The following CCDC83 variants were observed in gnomAD, a reference collection of about 807,000 sequenced individuals.
CCDC83 encodes the protein coiled-coil domain containing 83.
A neutral mutation model predicts 50.1 loss-of-function variants in CCDC83; 54 were observed. That is an observed-to-expected ratio of 1.08 (90% CI 0.87 to 1.35). The LOEUF (loss-of-function observed/expected upper bound fraction) is 1.35. Among genes scored for constraint, CCDC83 ranks in the 40% most tolerant of loss-of-function variants. The pLI, the probability that CCDC83 is intolerant of heterozygous loss-of-function variation, is 0.00. For synonymous variants in CCDC83, 161 were observed against 153.3 expected (o/e 1.05, Z -0.37); for missense variants, 518 against 473.9 (o/e 1.09, Z -0.86).
In CCDC83 at chr11:85,855,943, G is replaced by A. The variant is rs145289956; in HGVS notation, c.-29+359G>A. ...CTTCCGCTGTAGGTACTTCATATGT[G>A]CTAAGTGTGTTATTGATGTCTTTTA... On this transcript the variant is annotated intron_variant, in intron 1 of 10. Coordinates refer to ENST00000342404, the MANE Select transcript of CCDC83 (RefSeq NM_001286159.2). Among the ~76,000 whole-genome samples, 803 of 152,254 alleles carry A rather than the reference G, an allele frequency of 5.3e-3. 10 individuals carry two copies. Among genetic ancestry groups the A allele is most frequent in the African/African-American group, 0.018 (758 of 41,522 alleles).
At chr11:85,888,021 T>C (rs1017167566) in intron 5 of CCDC83, among the ~76,000 whole-genome samples, 5 of 152,076 alleles carry the variant, frequency 3.3e-5, no homozygotes, top group African/African-American at 1.2e-4. Flanking sequence ...CTGGTAACCA[T>C]AATTTTTTGA....
At chr11:85,906,544 T>C (rs2093426382) in intron 7 of CCDC83, among the ~76,000 whole-genome samples, 1 of 151,918 alleles carries the variant, frequency 6.6e-6, no homozygotes, top group Non-Finnish European at 1.5e-5. Context: ...GAAAAAAAAG[T>C]CTAAGTTTAA....
intron 3 of CCDC83, among the ~76,000 whole-genome samples, chr11:85,878,004 T>C (rs1316847378): frequency 6.6e-6 from 1 of 152,170 alleles, no homozygotes; most frequent in Admixed American, 6.5e-5. Flanking sequence ...AAACAAAACA[T>C]GAATCTATTT....
intron 3 of CCDC83, among the ~76,000 whole-genome samples, chr11:85,880,600 A>T (rs770942906): frequency 6.6e-6 from 1 of 151,664 alleles, no homozygotes; most frequent in African/African-American, 2.4e-5. Flanking sequence ...TTTTTTAATC[A>T]GCGTTTTCTA....
chr11:85,861,792 T>G (rs1239674238), intron 1 of CCDC83, among the ~76,000 whole-genome samples: 1 of 151,804 alleles, frequency 6.6e-6, no homozygotes. Flanking sequence ...GTGGATCCCT[T>G]GAGCTCAGGA....
intron 1 of CCDC83, among the ~76,000 whole-genome samples, chr11:85,858,970 A>G (rs1340446166): frequency 6.6e-6 from 1 of 152,160 alleles, no homozygotes; most frequent in Non-Finnish European, 1.5e-5. Context: ...GAGAAAGGAC[A>G]GAGAATTGAT....
At chr11:85,910,375 A>C (rs1368937684) in intron 7 of CCDC83, among the ~76,000 whole-genome samples, 3 of 152,238 alleles carry the variant, frequency 2.0e-5, no homozygotes, top group African/African-American at 4.8e-5. Flanking sequence ...ATACAACTGA[A>C]TGAATGAACG....
chr11:85,912,803 G>A, intron 8 of CCDC83: 1 of 1,015,334 alleles, frequency 9.8e-7, no homozygotes, highest in Admixed American at 1.7e-5. Context: ...TTCTGAACTG[G>A]CTAATCTTTA....
intron 5 of CCDC83, among the ~76,000 whole-genome samples, chr11:85,887,932 A>C (rs1368580328): frequency 6.6e-6 from 1 of 151,594 alleles, no homozygotes; most frequent in Non-Finnish European, 1.5e-5. Context: ...TCTCCTGAGT[A>C]GCTGGGACAG....
chr11:85,861,829 C>A (rs2093177567), intron 1 of CCDC83, among the ~76,000 whole-genome samples: 1 of 151,544 alleles, frequency 6.6e-6, no homozygotes, highest in Admixed American at 6.6e-5. Context: ...AGAAACATGG[C>A]AAAACCCCCT....
In CCDC83 at chr11:85,865,252, T is replaced by C. The variant is rs752647624; in HGVS notation, c.95+34T>C. ...TTATTCTGAAATCTGAAAGTTGCCA[T>C]AGATAAAAGGCAGTCATTGTTAAGA... On this transcript the variant is annotated intron_variant, in intron 2 of 10. Coordinates refer to ENST00000342404, the MANE Select transcript of CCDC83 (RefSeq NM_001286159.2). The C allele has an allele frequency of 1.3e-5, 17 of 1,279,908 alleles. No homozygotes were observed. In the African/African-American group the frequency reaches 1.6e-4, roughly 12 times the overall value. 79.3% of individuals were successfully genotyped at this position (1,279,908 alleles called of 1,614,324 possible). A position where few individuals can be genotyped will look rare whatever the true frequency, so the allele number is the denominator to read the frequency against.
At chr11:85,866,140 G>T (rs555549209) in intron 2 of CCDC83, among the ~76,000 whole-genome samples, 1 of 152,258 alleles carries the variant, frequency 6.6e-6, no homozygotes, top group South Asian at 2.1e-4. Flanking sequence ...CTCCTTGAGG[G>T]TCTGTGAACC....
At chr11:85,860,301 C>CAAA (rs56657675) in intron 1 of CCDC83, among the ~76,000 whole-genome samples, 49 of 55,288 alleles carry the variant, frequency 8.9e-4, no homozygotes, top group Non-Finnish European at 1.2e-3. Context: ...GACTCCGTCT[C>CAAA]AAAAAAAAAA....
chr11:85,861,737 G>A (rs1016641226), intron 1 of CCDC83, among the ~76,000 whole-genome samples: 1 of 151,942 alleles, frequency 6.6e-6, no homozygotes. Context: ...GGCCAAGTGC[G>A]GTGGCTCATG....
At chr11:85,910,944 G>C (rs2093450666) in intron 7 of CCDC83, among the ~76,000 whole-genome samples, 1 of 152,130 alleles carries the variant, frequency 6.6e-6, no homozygotes, top group South Asian at 2.1e-4. Context: ...GGCCGAGGCA[G>C]GCAGATCACC....
At chr11:85,912,156 G>A (rs2093457500) in intron 8 of CCDC83, among the ~76,000 whole-genome samples, 1 of 152,180 alleles carries the variant, frequency 6.6e-6, no homozygotes, top group Non-Finnish European at 1.5e-5. Context: ...AAGTATGGGA[G>A]AGAAATGTCT....
intron 7 of CCDC83, among the ~76,000 whole-genome samples, chr11:85,908,321 A>G (rs753422973): frequency 1.3e-5 from 2 of 152,170 alleles, no homozygotes; most frequent in Non-Finnish European, 2.9e-5. Flanking sequence ...CCATAATAAG[A>G]ATTTATGGCT....
intron 5 of CCDC83, among the ~76,000 whole-genome samples, chr11:85,891,539 G>C (rs2093350496): frequency 6.6e-6 from 1 of 152,172 alleles, no homozygotes. Context: ...TACAGTCACA[G>C]AGCATTTTTA....
chr11:85,855,910 G>A (rs1477237517), intron 1 of CCDC83, among the ~76,000 whole-genome samples: 2 of 152,080 alleles, frequency 1.3e-5, no homozygotes, highest in East Asian at 1.9e-4. Context: ...CAATACCAGC[G>A]CAATGCTCTT....
Sources: gnomAD v4.1 joint callset for allele counts (sites outside exome capture counted in the v4.1 genomes callset) on GRCh38, gnomAD v4.1.1 for gene constraint, MANE v1.5 for transcripts, NCBI Gene and HGNC (gene_info 2026-07-23, HGNC 2026-07-21) for gene names.